Variants in CNTNAP4 observed in about 807,000 individuals in gnomAD.
CNTNAP4 encodes the protein contactin-associated protein-like 4.
In CNTNAP4, 98 loss-of-function variants were observed where a neutral mutation model predicts 148.4. The ratio of observed to expected loss-of-function variants is 0.66; its 90% CI spans 0.56 to 0.78. CNTNAP4 has a LOEUF of 0.78. Among genes scored for constraint, CNTNAP4 ranks in the 30% least tolerant of loss-of-function variants. The probability of loss-of-function intolerance (pLI) is 0.00; values close to 1 mark genes in which losing one functional copy is unlikely to be tolerated. For missense variants in CNTNAP4, 1,935 were observed against 1,565.6 expected (o/e 1.24, Z -3.98); for synonymous variants, 730 against 565.1 (o/e 1.29, Z -4.14).
At chr16:76,322,922 C>T (rs1555522949) in intron 2 of CNTNAP4, among the ~76,000 whole-genome samples, 1 of 151,924 alleles carries the variant, frequency 6.6e-6, no homozygotes, top group Non-Finnish European at 1.5e-5. Context: ...GCAACCTCTG[C>T]CTTGTGGGTT....
chr16:76,422,236 G>A (rs773758839), intron 3 of CNTNAP4, among the ~76,000 whole-genome samples: 85 of 152,170 alleles, frequency 5.6e-4, no homozygotes, highest in Non-Finnish European at 9.3e-4. Flanking sequence ...TTTTTATCAT[G>A]TAAGACATAT....
At chr16:76,428,593 G>A (rs1306842421) in intron 4 of CNTNAP4, among the ~76,000 whole-genome samples, 4 of 152,000 alleles carry the variant, frequency 2.6e-5, no homozygotes, top group African/African-American at 4.8e-5. Flanking sequence ...AACTCTATCC[G>A]ACAGAGAGAT....
intron 3 of CNTNAP4, among the ~76,000 whole-genome samples, chr16:76,411,250 T>C (rs930036168): frequency 1.1e-4 from 17 of 151,498 alleles, no homozygotes; most frequent in Non-Finnish European, 2.1e-4. Flanking sequence ...TGCGAGTCTC[T>C]TTCTAAAGCA....
intron 3 of CNTNAP4, among the ~76,000 whole-genome samples, chr16:76,404,209 A>T (rs763819382): frequency 6.6e-6 from 1 of 152,196 alleles, no homozygotes; most frequent in Non-Finnish European, 1.5e-5. Context: ...TAAATGTTGT[A>T]TAATAATTTG....
chr16:76,327,356 A>G (rs1246992156), intron 2 of CNTNAP4, among the ~76,000 whole-genome samples: 3 of 152,174 alleles, frequency 2.0e-5, no homozygotes, highest in African/African-American at 4.8e-5. Flanking sequence ...TTCTAGCTGT[A>G]TCCATGTTGC....
chr16:76,285,616 G>A (rs1216937137), intron 1 of CNTNAP4, among the ~76,000 whole-genome samples: 10 of 151,876 alleles, frequency 6.6e-5, no homozygotes, highest in Admixed American at 6.6e-4. Context: ...CTTATAAATG[G>A]GGTCATAGGT....
At chr16:76,483,152 A>T (rs1308919859) in intron 12 of CNTNAP4, among the ~76,000 whole-genome samples, 1 of 152,044 alleles carries the variant, frequency 6.6e-6, no homozygotes, top group Non-Finnish European at 1.5e-5. Context: ...CTATACACAT[A>T]CACATGTTAT....
At chr16:76,305,115 T>C (rs1233828815) in intron 1 of CNTNAP4, among the ~76,000 whole-genome samples, 1 of 152,250 alleles carries the variant, frequency 6.6e-6, no homozygotes, top group African/African-American at 2.4e-5. Flanking sequence ...CTGGGATATA[T>C]GTAAATTGCA....
At chr16:76,302,761 GC>G (rs1960110509) in intron 1 of CNTNAP4, among the ~76,000 whole-genome samples, 1 of 152,086 alleles carries the variant, frequency 6.6e-6, no homozygotes, top group South Asian at 2.1e-4. Context: ...ATTATCCTAG[GC>G]CTATACAAGT....
chr16:76,440,671 C>G (rs1468976878), intron 4 of CNTNAP4, among the ~76,000 whole-genome samples: 1 of 152,090 alleles, frequency 6.6e-6, no homozygotes, highest in African/African-American at 2.4e-5. Context: ...TATTCCTGTT[C>G]CAGGTTAGAA....
chr16:76,393,961 G>A (rs1299971027), intron 3 of CNTNAP4, among the ~76,000 whole-genome samples: 1 of 152,134 alleles, frequency 6.6e-6, no homozygotes, highest in Non-Finnish European at 1.5e-5. Flanking sequence ...GACTGTGAAC[G>A]CTTTTGTGTG....
At chr16:76,411,753 G>C (rs2078802845) in intron 3 of CNTNAP4, among the ~76,000 whole-genome samples, 1 of 151,338 alleles carries the variant, frequency 6.6e-6, no homozygotes, top group Admixed American at 6.6e-5. Context: ...ATTTTTTAAA[G>C]TGCCAAGGAC....
chr16:76,550,599 G>T (rs1480412144), intron 21 of CNTNAP4, among the ~76,000 whole-genome samples: 2 of 151,700 alleles, frequency 1.3e-5, no homozygotes, highest in Non-Finnish European at 2.9e-5. Flanking sequence ...AATGTGAAAA[G>T]CACTCTCCCA....
intron 2 of CNTNAP4, among the ~76,000 whole-genome samples, chr16:76,343,928 C>T (rs138996823): frequency 6.6e-6 from 1 of 152,190 alleles, no homozygotes; most frequent in Admixed American, 6.5e-5. Context: ...CTTGTGCATT[C>T]CTCTCATTTG....
chr16:76,508,838 C>T lies in CNTNAP4; in HGVS notation c.2365+10144C>T, dbSNP rs1278782236. Among the ~76,000 whole-genome samples, 19 of 90,744 alleles carry T rather than the reference C, an allele frequency of 2.1e-4. 7 individuals carry two copies. Among genetic ancestry groups the T allele is most frequent in the Non-Finnish European group, 4.4e-4 (14 of 31,790 alleles). 59.5% of individuals were successfully genotyped at this position (90,744 alleles called of 152,430 possible). ...CACGATCTCGGCTCACTGCAAGCTC[C>T]GCCTCCTGGGTTCACGCCATTCTCC... On this transcript the variant is annotated intron_variant, in intron 15 of 23. Transcript: ENST00000611870.
At chr16:76,384,834 T>C (rs2016352289) in intron 3 of CNTNAP4, among the ~76,000 whole-genome samples, 1 of 152,236 alleles carries the variant, frequency 6.6e-6, no homozygotes, top group Non-Finnish European at 1.5e-5. Flanking sequence ...CTCTGTTGTT[T>C]TATTTCCCCA....
At chr16:76,404,955 G>A (rs2078550503) in intron 3 of CNTNAP4, among the ~76,000 whole-genome samples, 1 of 152,024 alleles carries the variant, frequency 6.6e-6, no homozygotes, top group Non-Finnish European at 1.5e-5. Context: ...TACAATGTAT[G>A]CAAAAATCAA....
At position 76,377,827 on chromosome 16, in the gene CNTNAP4, T is replaced by C. The variant is rs563895308; in HGVS notation, c.390+22316T>C. On this transcript the variant is annotated intron_variant, in intron 3 of 23. Transcript: ENST00000611870. Reference sequence around the variant, plus strand: ...AATGCTTACTGACTCCATGGAAATATAGCATGTGGGAAAAGTTAGCACACT... The same window carrying C: ...AATGCTTACTGACTCCATGGAAATACAGCATGTGGGAAAAGTTAGCACACT... Among the ~76,000 whole-genome samples, 10 of 152,294 alleles carry C rather than the reference T, an allele frequency of 6.6e-5. No individual in the cohort carries two copies. The East Asian group carries it at 7.7e-4, about 12-fold the overall frequency.
intron 3 of CNTNAP4, among the ~76,000 whole-genome samples, chr16:76,402,173 T>G (rs2078442900): frequency 6.6e-6 from 1 of 152,158 alleles, no homozygotes; most frequent in African/African-American, 2.4e-5. Context: ...CGTCTGGCCC[T>G]TTTTGGTCGG....
Sources: gnomAD v4.1 joint callset for allele counts (sites outside exome capture counted in the v4.1 genomes callset) on GRCh38, gnomAD v4.1.1 for gene constraint, MANE v1.5 for transcripts, NCBI Gene and HGNC (gene_info 2026-07-23, HGNC 2026-07-21) for gene names.